Variants in HYDIN observed in about 807,000 individuals in gnomAD.
The protein encoded by HYDIN is HYDIN axonemal central pair apparatus protein.
Under a neutral mutation model 403.9 loss-of-function variants are expected in HYDIN, and 132 were observed. That is an observed-to-expected ratio of 0.33 (90% CI 0.28 to 0.38). The LOEUF (loss-of-function observed/expected upper bound fraction) is 0.38. Among genes scored for constraint, HYDIN ranks in the 10% least tolerant of loss-of-function variants. The pLI, the probability that HYDIN is intolerant of heterozygous loss-of-function variation, is 1.00. For missense variants in HYDIN, 2,827 were observed against 5,009.5 expected (o/e 0.56, Z 13.15); for synonymous variants, 1,202 against 1,891.7 (o/e 0.64, Z 9.46).
intron 18 of HYDIN, among the ~76,000 whole-genome samples, chr16:71,045,363 G>A (rs2081418522): frequency 6.6e-6 from 1 of 152,160 alleles, no homozygotes; most frequent in Non-Finnish European, 1.5e-5. Context: ...CTTGAACCCT[G>A]ATGTGCTAAG....
intron 71 of HYDIN, 25 bp downstream of exon 71, chr16:70,860,043 T>A (rs746477467): frequency 1.3e-6 from 2 of 1,591,334 alleles, no homozygotes; most frequent in Non-Finnish European, 1.7e-6. Context: ...AAGCCTTGGG[T>A]TGAGTGGTTC....
chr16:70,853,870 T>C (rs1409800563), intron 73 of HYDIN, among the ~76,000 whole-genome samples: 1 of 147,990 alleles, frequency 6.8e-6, no homozygotes, highest in South Asian at 2.1e-4. Flanking sequence ...GTTATCTTTG[T>C]CTTATTTCTT....
At chr16:70,938,484 C>A in intron 44 of HYDIN, 130 bp downstream of exon 44, 1 of 722,716 alleles carries the variant, frequency 1.4e-6, no homozygotes, top group Admixed American at 2.4e-5. Flanking sequence ...TTGCAGGTCA[C>A]CTTCCAGGGC....
chr16:70,971,550 A>G (rs1224075133), intron 35 of HYDIN, among the ~76,000 whole-genome samples: 1 of 152,152 alleles, frequency 6.6e-6, no homozygotes, highest in African/African-American at 2.4e-5. Flanking sequence ...TTTTAACCAG[A>G]TGCCTAGGTT....
At chr16:71,137,726 T>A (rs2084986820) in intron 7 of HYDIN, among the ~76,000 whole-genome samples, 2 of 152,158 alleles carry the variant, frequency 1.3e-5, no homozygotes, top group South Asian at 4.1e-4. Context: ...GAGCTTGATT[T>A]GTCATTCTTA....
intron 10 of HYDIN, among the ~76,000 whole-genome samples, chr16:71,108,451 G>A (rs1482073984): frequency 6.6e-6 from 1 of 152,080 alleles, no homozygotes; most frequent in Non-Finnish European, 1.5e-5. Flanking sequence ...GAGGCTTCTA[G>A]GGGCTGAAAA....
chr16:71,113,373 G>C (rs1428261345), intron 10 of HYDIN: 1 of 151,050 alleles, frequency 6.6e-6, no homozygotes, highest in Non-Finnish European at 1.5e-5. Context: ...TTATTTATTG[G>C]CATTGGCATT....
chr16:71,080,879 C>G (rs919050105), intron 12 of HYDIN: 4 of 151,244 alleles, frequency 2.6e-5, no homozygotes, highest in Non-Finnish European at 5.9e-5. Context: ...GGTCAGAGTG[C>G]TGCAATCTGA....
chr16:70,970,410 A>G (rs2078699648), intron 36 of HYDIN, 110 bp downstream of exon 36: 1 of 616,598 alleles, frequency 1.6e-6, no homozygotes, highest in Non-Finnish European at 2.9e-6. Context: ...GGTCAAGGGA[A>G]GTAGGTCAGA....
intron 9 of HYDIN, 117 bp downstream of exon 9, chr16:71,129,523 G>A (rs1349025196): frequency 5.6e-6 from 5 of 887,766 alleles, no homozygotes; most frequent in Non-Finnish European, 8.5e-6. Flanking sequence ...TTCTTCAGGT[G>A]GACTCTTCAC....
Position 71,020,312 on chromosome 16 carries a change from A to G in HYDIN, c.3192T>C (p.Pro1064=). Residue 1064 remains proline, a synonymous_variant, in exon 22 of 86, where the codon CCT becomes CCC. Transcript: ENST00000393567. ...GGTAATCAGGTTTCAGGATACTGTT[A>G]GGTTTCTGCAAAAACAGAAAAAGAG... ...KQLIYRLEKK[P]NSILKPDYQP... 1 of 1,612,464 alleles carries G rather than the reference A, an allele frequency of 6.2e-7. No individual in the cohort carries two copies. The highest frequency in any genetic ancestry group is 8.5e-7 in the Non-Finnish European group (1 of 1,179,640).
chr16:71,157,404 A>T (rs1174952641), intron 6 of HYDIN, among the ~76,000 whole-genome samples: 2 of 152,142 alleles, frequency 1.3e-5, no homozygotes, highest in African/African-American at 4.8e-5. Flanking sequence ...GTCTATTAAC[A>T]ACCATATTAA....
Position 70,938,713 on chromosome 16 carries a change from A to C in HYDIN, c.6896T>G (p.Leu2299Arg). The C allele has an allele frequency of 6.2e-7, 1 of 1,614,092 alleles. No homozygotes were observed. Residue 2299 changes from leucine (L) to arginine (R), a missense_variant, in exon 44 of 86, where the codon CTC becomes CGC. Transcript: ENST00000393567. The part of the protein sequence containing the change: ...KGALEKEKER[L>R]QNMDEEEYDA... ...ATATTCTTCCTCATCCATGTTTTGG[A>C]GACGCTCCTTCTCTTTCTCAAGAGC...
At chr16:71,208,482 C>T (rs891337626) in intron 1 of HYDIN, among the ~76,000 whole-genome samples, 1 of 152,112 alleles carries the variant, frequency 6.6e-6, no homozygotes, top group Non-Finnish European at 1.5e-5. Context: ...AACAACCTAA[C>T]ATCACAATTA....
chr16:71,178,434 A>ATAT (rs56194693), intron 4 of HYDIN, among the ~76,000 whole-genome samples: 1,935 of 94,426 alleles, frequency 0.02, 24 homozygotes, highest in Non-Finnish European at 0.025. Context: ...AAAAAAAAAA[A>ATAT]ATATATATAT....
At chr16:71,218,846 C>T (rs915800019) in intron 1 of HYDIN, among the ~76,000 whole-genome samples, 4 of 152,126 alleles carry the variant, frequency 2.6e-5, no homozygotes, top group African/African-American at 9.7e-5. Context: ...CCTTTGTTTC[C>T]ATCTCCCACC....
intron 17 of HYDIN, among the ~76,000 whole-genome samples, chr16:71,061,226 G>T (rs1056057106): frequency 2.1e-4 from 32 of 149,156 alleles, no homozygotes; most frequent in African/African-American, 7.2e-4. Context: ...GTGCAGGGGG[G>T]TAGGACAGCA....
At chr16:71,116,211 C>G (rs568868680) in intron 9 of HYDIN, among the ~76,000 whole-genome samples, 21 of 143,434 alleles carry the variant, frequency 1.5e-4, no homozygotes, top group African/African-American at 4.9e-4. Flanking sequence ...TCTTACCAAA[C>G]TGTTTCTATG....
At chr16:71,173,850 C>T (rs143880049) in intron 5 of HYDIN, among the ~76,000 whole-genome samples, 1 of 152,270 alleles carries the variant, frequency 6.6e-6, no homozygotes, top group Non-Finnish European at 1.5e-5. Flanking sequence ...TACAACGATA[C>T]TTATCCAACA....
Sources: allele counts gnomAD v4.1 joint callset (sites outside exome capture counted in the v4.1 genomes callset), GRCh38; gene constraint gnomAD v4.1.1; transcripts MANE v1.5; gene names NCBI Gene and HGNC (gene_info 2026-07-23, HGNC 2026-07-21).